Variants in BOC observed in about 807,000 individuals in gnomAD.
BOC encodes BOC cell adhesion associated, oncogene regulated.
BOC carries 76 observed loss-of-function variants against 112.0 expected under a neutral mutation model. The ratio of observed to expected loss-of-function variants is 0.68; its 90% CI spans 0.56 to 0.82. The LOEUF is 0.82. Among genes scored for constraint, BOC ranks in the 40% least tolerant of loss-of-function variants. The probability of loss-of-function intolerance (pLI) is 0.00; values close to 1 mark genes in which losing one functional copy is unlikely to be tolerated. For missense variants in BOC, 1,309 were observed against 1,511.7 expected (o/e 0.87, Z 2.22); for synonymous variants, 580 against 599.8 (o/e 0.97, Z 0.48).
At chr3:113,270,597 C>G in intron 5 of BOC, 1 of 561,528 alleles carries the variant, frequency 1.8e-6, no homozygotes, top group Non-Finnish European at 3.0e-6. Context: ...TACCTTTTCT[C>G]TCTGGCACTC....
chr3:113,280,809 C>A, intron 14 of BOC, 146 bp downstream of exon 14: 1 of 858,482 alleles, frequency 1.2e-6, no homozygotes, highest in Non-Finnish European at 1.9e-6. Context: ...TTGACTCATT[C>A]ATAATACCCT....
chr3:113,225,072 G>A (rs183611559), intron 2 of BOC, among the ~76,000 whole-genome samples: 2 of 151,616 alleles, frequency 1.3e-5, no homozygotes, highest in East Asian at 1.9e-4. Context: ...GTGAGACTCC[G>A]TCTCAAAAAC....
In BOC at chr3:113,283,536, C is replaced by T. The variant is rs144025974; in HGVS notation, c.2560C>T (p.Leu854=). The stretch of plus-strand genomic sequence containing the variant: ...GGCCATGGTGGCTCGCTCCAGCGAC[C>T]TGCCCTATCTGATTGTCGGGGTCGT... The part of the protein sequence containing the change: ...TGAMVARSSD[L]PYLIVGVVLG... The change falls in exon 16 of 20, where the codon CTG becomes TTG. Residue 854 remains leucine (L), a synonymous_variant. Transcript: ENST00000682979. The T allele has an allele frequency of 2.4e-5, 38 of 1,613,910 alleles. No individual in the cohort carries two copies. The African/African-American group carries it at 4.1e-4, about 18-fold the overall frequency.
At position 113,217,660 on chromosome 3, in the gene BOC, C is replaced by G. The variant is rs1411109640; in HGVS notation, c.-82+1386C>G. 2.0e-5 allele frequency among the ~76,000 whole-genome samples: 3 copies of G among 152,146 alleles called. No individual in the cohort carries two copies. The East Asian group carries it at 5.8e-4, about 29-fold the overall frequency. ...AGTACCAAAGTGTTCTTTTATCTCT[C>G]CTTGTATGTGTTGTTCATTATTTTC... On this transcript the variant is annotated intron_variant, in intron 2 of 19. Transcript: ENST00000682979.
intron 11 of BOC, 59 bp from the exon 12 acceptor site, chr3:113,279,190 C>A: frequency 6.4e-7 from 1 of 1,555,852 alleles, no homozygotes; most frequent in Non-Finnish European, 8.8e-7. Context: ...TCTCACCCTG[C>A]TTCCTTCCTC....
At position 113,283,651 on chromosome 3, in the gene BOC, C is replaced by T. The variant is rs577047025; in HGVS notation, c.2656+19C>T. 1 of 1,604,812 alleles carries T rather than the reference C, an allele frequency of 6.2e-7. No individual in the cohort carries two copies. The highest frequency in any genetic ancestry group is 8.5e-7 in the Non-Finnish European group (1 of 1,172,296). Reference sequence around the variant, plus strand: ...AAGCAAAGTGAGTGAGTGACGCTTTCAGTGGGAGGATCCTGGGTGGGAAAT... The same window carrying T: ...AAGCAAAGTGAGTGAGTGACGCTTTTAGTGGGAGGATCCTGGGTGGGAAAT... On this transcript the variant is annotated intron_variant, in intron 16 of 19. Transcript: ENST00000682979.
At chr3:113,217,255 C>T (rs1576310390) in intron 2 of BOC, among the ~76,000 whole-genome samples, 1 of 152,330 alleles carries the variant, frequency 6.6e-6, no homozygotes, top group East Asian at 1.9e-4. Context: ...GTGGCTCATG[C>T]CTGTAATCGC....
intron 5 of BOC, 89 bp downstream of exon 5, chr3:113,268,534 A>AGCT (rs1231815561): frequency 1.5e-6 from 2 of 1,334,638 alleles, no homozygotes; most frequent in South Asian, 2.7e-5. Context: ...AAGCTAGGGC[A>AGCT]GCTGCTGCTG....
At chr3:113,282,874 G>A (rs893783453) in intron 15 of BOC, among the ~76,000 whole-genome samples, 2 of 152,128 alleles carry the variant, frequency 1.3e-5, no homozygotes, top group African/African-American at 4.8e-5. Flanking sequence ...CAAAGCTAAA[G>A]TGAGGAGCTG....
At chr3:113,222,779 G>T (rs2107632165) in intron 2 of BOC, among the ~76,000 whole-genome samples, 1 of 152,340 alleles carries the variant, frequency 6.6e-6, no homozygotes, top group African/African-American at 2.4e-5. Flanking sequence ...TCCTGAGTGT[G>T]CCTGGGCCAT....
chr3:113,240,991 T>C (rs1232908266), intron 2 of BOC, among the ~76,000 whole-genome samples: 5 of 152,224 alleles, frequency 3.3e-5, no homozygotes, highest in Non-Finnish European at 7.3e-5. Flanking sequence ...CAGAGCCAGA[T>C]GAACCAGAGG....
chr3:113,278,013 C>T lies in BOC; in HGVS notation c.1543-82C>T. The T allele has an allele frequency of 6.5e-7, 1 of 1,532,634 alleles. No individual in the cohort carries two copies. The highest frequency in any genetic ancestry group is 1.2e-5 in the South Asian group (1 of 82,756). 94.9% of individuals were successfully genotyped at this position (1,532,634 alleles called of 1,614,324 possible). A position where few individuals can be genotyped will look rare whatever the true frequency, so the allele number is the denominator to read the frequency against. On this transcript the variant is annotated intron_variant, in intron 9 of 19. Coordinates refer to ENST00000682979, the MANE Select transcript of BOC (RefSeq NM_001378074.1). This position sits in a 1 kb window ranked among gnomAD's most constrained non-coding sequence, Gnocchi z 4.2. ...TCCCCTTCTCCTGCCCTCTTGGGCTCAGCGCTGCTTTCTTTGTAAACCATA... is the reference window on the plus strand; with the variant it reads ...TCCCCTTCTCCTGCCCTCTTGGGCTTAGCGCTGCTTTCTTTGTAAACCATA...
intron 2 of BOC, among the ~76,000 whole-genome samples, chr3:113,229,941 T>C (rs1451551561): frequency 6.6e-6 from 1 of 152,172 alleles, no homozygotes; most frequent in Non-Finnish European, 1.5e-5. Flanking sequence ...GTGGTGAAAA[T>C]ATTGATGTCA....
Position 113,282,161 on chromosome 3 carries a change from T to C in BOC, c.2434+1008T>C, listed in dbSNP as rs116556511. Among the ~76,000 whole-genome samples, 1,415 of 151,906 alleles carry C rather than the reference T, an allele frequency of 9.3e-3. 23 individuals are homozygous for C. Among genetic ancestry groups the C allele is most frequent in the African/African-American group, 0.032 (1,323 of 41,404 alleles). On this transcript the variant is annotated intron_variant, in intron 15 of 19. Transcript: ENST00000682979. ...CTAGGAAAGAGGCCACTGAGGATGG[T>C]GTGAGATGAGCCGGTGCAGCCAGGG...
intron 4 of BOC, among the ~76,000 whole-genome samples, chr3:113,267,699 A>G (rs749412012): frequency 4.6e-5 from 7 of 152,070 alleles, no homozygotes; most frequent in Non-Finnish European, 1.0e-4. Context: ...GTTACTTGTC[A>G]TCGTGGATGC....
At chr3:113,284,590 C>A (rs752924332) in intron 17 of BOC, 23 bp downstream of exon 17, 5 of 1,597,092 alleles carry the variant, frequency 3.1e-6, no homozygotes, top group Non-Finnish European at 4.3e-6. Context: ...TGGGTGTGGG[C>A]GGCAGGTATG....
At position 113,277,451 on chromosome 3, in the gene BOC, C is replaced by G. The variant is rs115124297; in HGVS notation, c.1543-644C>G. On this transcript the variant is annotated intron_variant, in intron 9 of 19. Coordinates refer to ENST00000682979, the MANE Select transcript of BOC (RefSeq NM_001378074.1). ...GATAGGGTGCAATGATGGGCATGCTCTTTGGAGTCAAGTCACCGTTTTGGT... is the reference window on the plus strand; with the variant it reads ...GATAGGGTGCAATGATGGGCATGCTGTTTGGAGTCAAGTCACCGTTTTGGT... Among the ~76,000 whole-genome samples, 502 of 152,332 alleles carry G rather than the reference C, an allele frequency of 3.3e-3. 4 individuals carry two copies. The highest frequency in any genetic ancestry group is 0.011 in the African/African-American group (458 of 41,580).
At chr3:113,252,911 A>G (rs141739808) in intron 4 of BOC, among the ~76,000 whole-genome samples, 4 of 152,134 alleles carry the variant, frequency 2.6e-5, no homozygotes, top group African/African-American at 7.2e-5. Context: ...GGGGGCTGCT[A>G]TGAGGCTTGG....
At chr3:113,255,812 G>A (rs1276527054) in intron 4 of BOC, among the ~76,000 whole-genome samples, 1 of 152,182 alleles carries the variant, frequency 6.6e-6, no homozygotes, top group Non-Finnish European at 1.5e-5. Context: ...TTGAGAAAAT[G>A]TCCAAAGTGA....
Sources: gnomAD v4.1 joint callset for allele counts (sites outside exome capture counted in the v4.1 genomes callset) on GRCh38, gnomAD v4.1.1 for gene constraint, Gnocchi (gnomAD v3.1) non-coding constraint, MANE v1.5 for transcripts, NCBI Gene and HGNC (gene_info 2026-07-23, HGNC 2026-07-21) for gene names.